Variants in WNK1 observed in about 807,000 individuals in gnomAD.
WNK1 encodes the protein WNK lysine deficient protein kinase 1.
WNK1 carries 38 observed loss-of-function variants against 222.8 expected under a neutral mutation model. That is an observed-to-expected ratio of 0.17 (90% confidence interval 0.13 to 0.22). The LOEUF is 0.22. Among genes scored for constraint, WNK1 ranks in the 10% least tolerant of loss-of-function variants. The probability of loss-of-function intolerance (pLI) is 1.00; values close to 1 mark genes in which losing one functional copy is unlikely to be tolerated. For missense variants in WNK1, 2,348 were observed against 2,918.4 expected, an observed-to-expected ratio of 0.80 and a Z score of 4.50; for synonymous variants, 1,090 against 1,092.9, an observed-to-expected ratio of 1.00 and a Z score of 0.05.
At position 879,933 on chromosome 12, in the gene WNK1, C is replaced by G; in HGVS notation, c.2734C>G (p.Pro912Ala). Residue 912 changes from proline to alanine, a missense_variant, in exon 11 of 28, where the codon CCA becomes GCA. Coordinates refer to ENST00000315939, the MANE Select transcript of WNK1 (RefSeq NM_018979.4). ...PVTQLPSQVHPQLLQPAVQSM... is the reference protein window; with the variant it reads ...PVTQLPSQVHAQLLQPAVQSM... Reference sequence around the variant, plus strand: ...GACTCAGCTGCCAAGTCAGGTTCACCCACAGCTCCTACAACCAGCAGTTCA... The same window carrying G: ...GACTCAGCTGCCAAGTCAGGTTCACGCACAGCTCCTACAACCAGCAGTTCA... 1.2e-6 allele frequency: 2 copies of G among 1,614,076 alleles called. No homozygotes were observed. The highest frequency in any genetic ancestry group is 1.7e-6 in the Non-Finnish European group (2 of 1,179,998).
At chr12:831,167 CGTT>C (rs1565490370) in intron 4 of WNK1, among the ~76,000 whole-genome samples, 1 of 152,030 alleles carries the variant, frequency 6.6e-6, no homozygotes. Flanking sequence ...CAAGAGTGTA[CGTT>C]GTTGTTTTCC....
chr12:880,258 C>T lies in WNK1; in HGVS notation c.2832+227C>T, dbSNP rs16928112. On this transcript the variant is annotated intron_variant, in intron 11 of 27. Transcript: ENST00000315939. ...AGAAAAATGGTTCTCTCAGTATTCA[C>T]TGTAAGCTGATTGAATGCTAGATGT... 0.04 allele frequency among the ~76,000 whole-genome samples: 6,085 copies of T among 152,272 alleles called. 228 individuals carry two copies. Among genetic ancestry groups the T allele is most frequent in the Admixed American group, 0.11 (1,609 of 15,296 alleles).
chr12:896,275 G>A lies in WNK1; in HGVS notation c.5788G>A (p.Ala1930Thr). 6.2e-7 allele frequency: 1 copy of A among 1,614,182 alleles called. No homozygotes were observed. The highest frequency in any genetic ancestry group is 8.5e-7 in the Non-Finnish European group (1 of 1,180,036). Residue 1930 changes from alanine to threonine, a missense_variant, in exon 24 of 28, where the codon GCC (alanine) becomes ACC (threonine). Ala to Thr is a moderately conservative substitution (Grantham distance 58). Coordinates refer to ENST00000315939, the MANE Select transcript of WNK1 (RefSeq NM_018979.4). ...DVPESAHKTT[A>T]SEAKSDTGQP... ...GCCAGAGAGTGCCCACAAAACTACT[G>A]CCTCAGAGGCAAAGTCAGACACTGG... is the stretch of plus-strand genomic sequence containing the variant.
Position 753,256 on chromosome 12 carries a change from C to T in WNK1, c.-310C>T, listed in dbSNP as rs936915414. 3 of 354,898 alleles carry T rather than the reference C, an allele frequency of 8.5e-6. No individual in the cohort carries two copies. Among genetic ancestry groups the T allele is most frequent in the East Asian group, 5.7e-5 (1 of 17,688 alleles). 22.0% of individuals were successfully genotyped at this position (354,898 alleles called of 1,614,324 possible). ...GGCGCCTCTGCTGCCACCGCCCGCC[C>T]GGCCGCCGCTCGCCGCAGGATGGAT... On this transcript the variant is annotated 5_prime_UTR_variant, in exon 1 of 28. Transcript: ENST00000315939. The surrounding 1 kb of genome is among the most constrained non-coding windows in gnomAD (Gnocchi z 5.2).
rs769313429 is a variant in WNK1 at position 879,870 on chromosome 12, G to A, written c.2671G>A (p.Val891Met). 6.2e-7 allele frequency: 1 copy of A among 1,614,146 alleles called. No individual in the cohort carries two copies. Among genetic ancestry groups the A allele is most frequent in the South Asian group, 1.1e-5 (1 of 91,076 alleles). ...AGCTGCGATCCCGGGGGTATCAACT[G>A]TGGTTCCTAGTCAGCTTCCAACCCT... The part of the protein sequence containing the change: ...TTAAIPGVST[V>M]VPSQLPTLLQ... Residue 891 changes from valine to methionine, a missense_variant, in exon 11 of 28, where the codon GTG becomes ATG. Transcript: ENST00000315939.
At chr12:881,160 A>G (rs545223652) in intron 12 of WNK1, among the ~76,000 whole-genome samples, 161 bp downstream of exon 12, 8 of 152,330 alleles carry the variant, frequency 5.3e-5, no homozygotes, top group South Asian at 4.1e-4. Context: ...TGAAATGCCA[A>G]TGTGGGGTCC....
chr12:831,463 G>C (rs11064558), intron 4 of WNK1, among the ~76,000 whole-genome samples: 1 of 151,574 alleles, frequency 6.6e-6, no homozygotes, highest in Non-Finnish European at 1.5e-5. Flanking sequence ...TCTGGAACCC[G>C]GGAGATGGAG....
In WNK1 at chr12:868,492, G is replaced by A. The variant is rs753414898; in HGVS notation, c.2140-2773G>A. The A allele has an allele frequency of 6.8e-6, 11 of 1,613,754 alleles. No individual in the cohort carries two copies. Among genetic ancestry groups the A allele is most frequent in the East Asian group, 2.2e-5 (1 of 44,894 alleles). ...TAAGATTAGATTCTGGATTGGGTCC[G>A]GGATCTCCCCTCTCTAGTATTTCTG... On this transcript the variant is annotated intron_variant, in intron 8 of 27. Coordinates refer to ENST00000315939, the MANE Select transcript of WNK1 (RefSeq NM_018979.4).
rs201766777 is a variant in WNK1 at position 896,356 on chromosome 12, C to T, written c.5869C>T (p.Arg1957Cys). 3.1e-4 allele frequency: 507 copies of T among 1,614,090 alleles called. No homozygotes were observed. The highest frequency in any genetic ancestry group is 1.8e-3 in the Middle Eastern group (11 of 6,062). Reference sequence around the variant, plus strand: ...GACAACTACAGCAAACAAAGTGGGTCGTTTCTCTGTATCAAAAACTGAGGA... The same window carrying T: ...GACAACTACAGCAAACAAAGTGGGTTGTTTCTCTGTATCAAAAACTGAGGA... The part of the protein sequence containing the change: ...QVTTTANKVG[R>C]FSVSKTEDKI... Residue 1957 changes from arginine (R) to cysteine (C), a missense_variant, in exon 24 of 28, where the codon CGT becomes TGT. Transcript: ENST00000315939.
chr12:893,680 G>A (rs4390400), intron 22 of WNK1, among the ~76,000 whole-genome samples: 46,961 of 151,478 alleles, frequency 0.31, 8,041 homozygotes, highest in African/African-American at 0.46. Context: ...AAAATTAGTC[G>A]GGTGTGGTGG....
At chr12:767,285 C>T (rs916452976) in intron 1 of WNK1, among the ~76,000 whole-genome samples, 1 of 120,612 alleles carries the variant, frequency 8.3e-6, no homozygotes, top group East Asian at 2.3e-4. Context: ...CAGAGTCTTG[C>T]TCTGTCGCTC....
At position 809,908 on chromosome 12, in the gene WNK1, G is replaced by A. The variant is rs954856346; in HGVS notation, c.760-3734G>A. ...TGCTGTACCCTCTGCCTGAAGACAA[G>A]TTTTTATTTCTTTATCCTAATACCC... is the stretch of plus-strand genomic sequence containing the variant. On this transcript the variant is annotated intron_variant, in intron 1 of 27. Coordinates refer to ENST00000315939, the MANE Select transcript of WNK1 (RefSeq NM_018979.4). 6.6e-5 allele frequency among the ~76,000 whole-genome samples: 10 copies of A among 152,258 alleles called. No individual in the cohort carries two copies. The South Asian group carries it at 2.1e-3, about 32-fold the overall frequency.
chr12:853,343 G>A (rs1950541615), intron 4 of WNK1, among the ~76,000 whole-genome samples: 2 of 152,180 alleles, frequency 1.3e-5, no homozygotes, highest in Admixed American at 1.3e-4. Flanking sequence ...TATGTTTGCA[G>A]GGATAGGATT....
intron 1 of WNK1, among the ~76,000 whole-genome samples, chr12:804,984 T>C (rs1946244254): frequency 6.7e-6 from 1 of 148,702 alleles, no homozygotes; most frequent in African/African-American, 2.4e-5. Context: ...TAATATTAAA[T>C]AATATTCCTT....
rs764815828 is a variant in WNK1, at chr12:862,252, A to T, written c.2121A>T (p.Val707=). ...AAGCACAGTCTCAGCCCCATGGGGTATATCCACCCTCAAGTGTGGTAAGTA... is the reference window on the plus strand; with the variant it reads ...AAGCACAGTCTCAGCCCCATGGGGTTTATCCACCCTCAAGTGTGGTAAGTA... The part of the protein sequence containing the change: ...TVQAQSQPHG[V]YPPSSVAQGQ... The change falls in exon 8 of 28, where the codon GTA becomes GTT. Residue 707 remains valine, a synonymous_variant. Transcript: ENST00000315939. The T allele has an allele frequency of 2.5e-6, 4 of 1,614,126 alleles. No individual in the cohort carries two copies. In the Admixed American group the frequency reaches 6.7e-5, roughly 27 times the overall value.
intron 1 of WNK1, among the ~76,000 whole-genome samples, chr12:771,415 G>A (rs1942480521): frequency 6.6e-6 from 1 of 152,092 alleles, no homozygotes; most frequent in Admixed American, 6.6e-5. Context: ...TTTGGTGTCT[G>A]TCTCTTGCTT....
chr12:882,440 T>C lies in WNK1; in HGVS notation c.3372+367T>C, dbSNP rs967414195. ...TTTCAAACTCCTGACCTCAGGTGAC[T>C]CACCTGCCTCAGCCTCCCAAACCAC... On this transcript the variant is annotated intron_variant, in intron 14 of 27. Transcript: ENST00000315939. Among the ~76,000 whole-genome samples the C allele has an allele frequency of 4.6e-5, 7 of 152,164 alleles. No individual in the cohort carries two copies. In the East Asian group the frequency reaches 5.8e-4, roughly 13 times the overall value.
At chr12:757,245 T>C (rs1940193554) in intron 1 of WNK1, among the ~76,000 whole-genome samples, 1 of 151,946 alleles carries the variant, frequency 6.6e-6, no homozygotes, top group Non-Finnish European at 1.5e-5. Flanking sequence ...CAAGCTATTT[T>C]CTGTCATGCT....
At chr12:766,642 C>T (rs1317016081) in intron 1 of WNK1, among the ~76,000 whole-genome samples, 2 of 151,742 alleles carry the variant, frequency 1.3e-5, no homozygotes, top group African/African-American at 4.8e-5. Flanking sequence ...CCATGCCCAG[C>T]TAATTTTTGT....
Sources: allele counts gnomAD v4.1 joint callset (sites outside exome capture counted in the v4.1 genomes callset), GRCh38; gene constraint gnomAD v4.1.1; non-coding constraint Gnocchi (gnomAD v3.1); transcripts MANE v1.5; gene names NCBI Gene and HGNC (gene_info 2026-07-23, HGNC 2026-07-21).